The following ELP4 variants were observed in gnomAD, a reference collection of about 807,000 sequenced individuals.
ELP4 encodes elongator complex protein 4.
ELP4 carries 51 observed loss-of-function variants against 48.9 expected under a neutral mutation model. The ratio of observed to expected loss-of-function variants is 1.04; its 90% CI spans 0.83 to 1.32. The LOEUF (loss-of-function observed/expected upper bound fraction) is 1.32, where lower values mean the gene tolerates loss of function less well. Among genes scored for constraint, ELP4 ranks in the 40% most tolerant of loss-of-function variants. The probability of loss-of-function intolerance (pLI) is 0.00; values close to 1 mark genes in which losing one functional copy is unlikely to be tolerated. For synonymous variants in ELP4, 210 were observed against 189.2 expected (o/e 1.11, Z -0.90); for missense variants, 519 against 514.6 (o/e 1.01, Z -0.08).
At chr11:31,764,891 A>T (rs1948011658) in intron 9 of ELP4, among the ~76,000 whole-genome samples, 1 of 152,172 alleles carries the variant, frequency 6.6e-6, no homozygotes, top group African/African-American at 2.4e-5. Flanking sequence ...CAAATTACTA[A>T]TCATGTGTAT....
intron 3 of ELP4, among the ~76,000 whole-genome samples, chr11:31,576,491 C>T (rs2133964326): frequency 6.6e-6 from 1 of 152,296 alleles, no homozygotes; most frequent in Non-Finnish European, 1.5e-5. Context: ...AATATACATT[C>T]TTCTCAGCAC....
intron 9 of ELP4, among the ~76,000 whole-genome samples, chr11:31,717,838 T>C (rs1268197727): frequency 6.6e-6 from 1 of 152,222 alleles, no homozygotes; most frequent in Non-Finnish European, 1.5e-5. Context: ...ATTTTATACA[T>C]TTAAAATCAT....
intron 7 of ELP4, 30 bp from the exon 8 acceptor site, chr11:31,647,711 A>G (rs1314670761): frequency 7.8e-7 from 1 of 1,286,256 alleles, no homozygotes; most frequent in Non-Finnish European, 1.1e-6. Context: ...ATAATATTTA[A>G]CGTTACTGTT....
intron 3 of ELP4, among the ~76,000 whole-genome samples, chr11:31,575,445 C>T (rs1043594104): frequency 1.3e-5 from 2 of 152,044 alleles, no homozygotes; most frequent in Admixed American, 1.3e-4. Flanking sequence ...GAGAACGCCA[C>T]AAAGATACTC....
intron 6 of ELP4, among the ~76,000 whole-genome samples, chr11:31,630,567 G>T (rs966163546): frequency 1.3e-5 from 2 of 151,964 alleles, no homozygotes; most frequent in South Asian, 2.1e-4. Flanking sequence ...GACCTTAGGC[G>T]ATCTGCCCTC....
intron 9 of ELP4, among the ~76,000 whole-genome samples, chr11:31,666,544 T>C (rs1945681069): frequency 6.6e-6 from 1 of 151,822 alleles, no homozygotes; most frequent in Non-Finnish European, 1.5e-5. Flanking sequence ...ATTCAAAAAT[T>C]AGCCGGGTGT....
Position 31,788,413 on chromosome 11 carries a change from G to A in ELP4, c.*4889G>A, listed in dbSNP as rs886048196. 2.2e-5 allele frequency: 5 copies of A among 224,210 alleles called. No individual in the cohort carries two copies. The highest frequency in any genetic ancestry group is 6.4e-5 in the East Asian group (1 of 15,560). The allele number at this position is 224,210 out of a possible 1,614,324, so 13.9% of individuals were successfully genotyped here. On this transcript the variant is annotated 3_prime_UTR_variant, in exon 10 of 10. Coordinates refer to ENST00000640961, the MANE Select transcript of ELP4 (RefSeq NM_019040.5). ...AAGCAAGATTCAAATGGGAACAGCTGTAGTGGTTCAATGGGAAATGATGCC... is the reference window on the plus strand; with the variant it reads ...AAGCAAGATTCAAATGGGAACAGCTATAGTGGTTCAATGGGAAATGATGCC...
intron 1 of ELP4, among the ~76,000 whole-genome samples, chr11:31,513,792 G>A (rs984171470): frequency 1.3e-5 from 2 of 152,116 alleles, no homozygotes; most frequent in East Asian, 1.9e-4. Context: ...AAGCCCTTTC[G>A]TTGTCTTATG....
chr11:31,627,613 T>C (rs1428308028), intron 6 of ELP4, among the ~76,000 whole-genome samples: 1 of 152,118 alleles, frequency 6.6e-6, no homozygotes, highest in Non-Finnish European at 1.5e-5. Context: ...TATTATACTT[T>C]GTTTTATTGA....
chr11:31,689,916 A>T (rs1264890703), intron 9 of ELP4, among the ~76,000 whole-genome samples: 3 of 152,156 alleles, frequency 2.0e-5, no homozygotes, highest in Non-Finnish European at 4.4e-5. Flanking sequence ...GGAAACCTGG[A>T]GAAGTGCTTG....
chr11:31,626,048 T>C (rs748554922), intron 5 of ELP4, among the ~76,000 whole-genome samples: 1 of 151,880 alleles, frequency 6.6e-6, no homozygotes, highest in Non-Finnish European at 1.5e-5. Flanking sequence ...TTTTGCAAGA[T>C]AGACACTTTT....
chr11:31,745,824 A>G (rs1212976154), intron 9 of ELP4, among the ~76,000 whole-genome samples: 2 of 152,210 alleles, frequency 1.3e-5, no homozygotes, highest in African/African-American at 2.4e-5. Context: ...TCAGGACATA[A>G]GCATGGGCAA....
intron 9 of ELP4, among the ~76,000 whole-genome samples, chr11:31,711,005 A>T (rs1946731631): frequency 6.6e-6 from 1 of 152,322 alleles, no homozygotes; most frequent in Middle Eastern, 3.4e-3. Context: ...GGGAAACAAG[A>T]TATAAAGCAA....
intron 9 of ELP4, chr11:31,650,696 A>G (rs547520197): frequency 1.3e-5 from 2 of 151,972 alleles, no homozygotes; most frequent in Admixed American, 6.6e-5. Context: ...TAGTGTCTTT[A>G]AGTACATTTT....
intron 9 of ELP4, among the ~76,000 whole-genome samples, chr11:31,766,261 T>C (rs1364972841): frequency 6.6e-6 from 1 of 152,122 alleles, no homozygotes; most frequent in Non-Finnish European, 1.5e-5. Flanking sequence ...CACGGAAATA[T>C]AACGGCAATA....
intron 9 of ELP4, among the ~76,000 whole-genome samples, chr11:31,685,435 A>AT (rs1296873890): frequency 3.3e-5 from 5 of 152,204 alleles, no homozygotes; most frequent in South Asian, 2.1e-4. Context: ...CAACCTGTGC[A>AT]TTTTTTTACT....
At chr11:31,646,038 T>G (rs895919347) in intron 7 of ELP4, 1 of 151,782 alleles carries the variant, frequency 6.6e-6, no homozygotes, top group African/African-American at 2.4e-5. Flanking sequence ...GATATAATGG[T>G]CTTTGGCTAA....
chr11:31,757,649 CA>C (rs1947858597), intron 9 of ELP4, among the ~76,000 whole-genome samples: 1 of 152,130 alleles, frequency 6.6e-6, no homozygotes. Context: ...AACACTTATG[CA>C]TGTGCTCACA....
At chr11:31,551,810 A>T (rs1956858067) in intron 3 of ELP4, among the ~76,000 whole-genome samples, 1 of 152,162 alleles carries the variant, frequency 6.6e-6, no homozygotes, top group South Asian at 2.1e-4. Flanking sequence ...ACTTGTTTGT[A>T]CATTACCTCC....
Sources: allele counts gnomAD v4.1 joint callset (sites outside exome capture counted in the v4.1 genomes callset), GRCh38; gene constraint gnomAD v4.1.1; transcripts MANE v1.5; gene names NCBI Gene and HGNC (gene_info 2026-07-23, HGNC 2026-07-21).